Variants in SLC23A2 observed in about 807,000 individuals in gnomAD.
The protein encoded by SLC23A2 is Na(+)/L-ascorbic acid transporter 2.
Under a neutral mutation model 73.3 loss-of-function variants are expected in SLC23A2, and 36 were observed. The observed-to-expected ratio is 0.49, with a 90% CI of 0.38 to 0.65. The LOEUF is 0.65. SLC23A2 is among the 30% of genes least tolerant of loss of function. The probability of loss-of-function intolerance (pLI) is 0.00; values close to 1 mark genes in which losing one functional copy is unlikely to be tolerated. For synonymous variants in SLC23A2, 343 were observed against 327.3 expected (o/e 1.05, Z -0.52); for missense variants, 507 against 841.6 (o/e 0.60, Z 4.92).
chr20:4,959,477 T>G (rs2087345611), intron 2 of SLC23A2, among the ~76,000 whole-genome samples: 1 of 152,190 alleles, frequency 6.6e-6, no homozygotes. Flanking sequence ...ACATAAATGT[T>G]AATAATGGCT....
intron 15 of SLC23A2, 141 bp from the exon 16 acceptor site, chr20:4,859,525 T>C (rs935494013): frequency 3.9e-5 from 26 of 661,704 alleles, no homozygotes; most frequent in East Asian, 3.9e-4. Context: ...GTTGTGCACA[T>C]GTAGATGAAT....
chr20:5,001,441 GCGCCTCGGCGC>G lies in SLC23A2; in HGVS notation c.-328_-318del, dbSNP rs930519991. 1.3e-5 allele frequency: 2 copies of G among 148,188 alleles called. No individual in the cohort carries two copies. Among genetic ancestry groups the G allele is most frequent in the African/African-American group, 4.9e-5 (2 of 40,928 alleles). 9.2% of individuals were successfully genotyped at this position (148,188 alleles called of 1,614,324 possible). A position where few individuals can be genotyped will look rare whatever the true frequency, so the allele number is the denominator to read the frequency against. On this transcript the variant is annotated 5_prime_UTR_variant, in exon 1 of 17. Coordinates refer to ENST00000338244, the MANE Select transcript of SLC23A2 (RefSeq NM_005116.6). ...CTCGCGTGGTTCCCGTCCTGCCGCCGCGCCTCGGCGCCGCAGTGCCCGCTGCAGCCTCCGCC... is the reference window on the plus strand; with the variant it reads ...CTCGCGTGGTTCCCGTCCTGCCGCCGCGCAGTGCCCGCTGCAGCCTCCGCC...
At position 4,863,238 on chromosome 20, in the gene SLC23A2, T is replaced by C. The variant is rs1036582537; in HGVS notation, c.1357-331A>G. 1.7e-4 allele frequency among the ~76,000 whole-genome samples: 26 copies of C among 152,060 alleles called. No homozygotes were observed. The highest frequency in any genetic ancestry group is 2.8e-4 in the Non-Finnish European group (19 of 68,014). The stretch of plus-strand genomic sequence containing the variant: ...CCGGCACCACATGTCACCAAGGCAA[T>C]TTCCCCCAAAGTGCTTCAGCCTCAA... On this transcript the variant is annotated intron_variant, in intron 13 of 16. Transcript: ENST00000338244. This position sits in a 1 kb window ranked among gnomAD's most constrained non-coding sequence, Gnocchi z 4.8.
At chr20:4,970,955 C>A (rs1038844213) in intron 1 of SLC23A2, 36 bp from the exon 2 acceptor site, 2 of 152,126 alleles carry the variant, frequency 1.3e-5, no homozygotes, top group African/African-American at 4.8e-5. Context: ...AAAGTAATAA[C>A]AAACCTAGCA....
chr20:5,009,605 G>A lies in SLC23A2; in HGVS notation c.-282+577C>T, dbSNP rs535030586. Among the ~76,000 whole-genome samples, 9 of 152,108 alleles carry A rather than the reference G, an allele frequency of 5.9e-5. No individual in the cohort carries two copies. The South Asian group carries it at 1.2e-3, about 21-fold the overall frequency. ...CTACCACACAGTAAGTTCTCAGTTC[G>A]GTTACTACTGAAGTACTCAGTTAGT... is the stretch of plus-strand genomic sequence containing the variant. On this transcript the variant is annotated intron_variant, in intron 1 of 16. Coordinates refer to the SLC23A2 transcript ENST00000379333.
At chr20:4,966,548 C>A (rs2087478165) in intron 2 of SLC23A2, among the ~76,000 whole-genome samples, 1 of 152,078 alleles carries the variant, frequency 6.6e-6, no homozygotes, top group Admixed American at 6.6e-5. Context: ...GCAAATATCT[C>A]ATTAATAACT....
intron 1 of SLC23A2, among the ~76,000 whole-genome samples, chr20:4,984,445 T>C (rs1352990800): frequency 6.6e-6 from 1 of 151,180 alleles, no homozygotes; most frequent in East Asian, 2.0e-4. Flanking sequence ...TCCCAGCTAT[T>C]TGGAGGCTGA....
intron 2 of SLC23A2, among the ~76,000 whole-genome samples, chr20:4,937,001 G>A (rs965883575): frequency 6.6e-6 from 1 of 152,208 alleles, no homozygotes; most frequent in African/African-American, 2.4e-5. Context: ...GACAGTACAT[G>A]GAGGAAGAAC....
At chr20:4,945,058 T>A (rs1204526456) in intron 2 of SLC23A2, among the ~76,000 whole-genome samples, 2 of 151,692 alleles carry the variant, frequency 1.3e-5, no homozygotes, top group Non-Finnish European at 2.9e-5. Context: ...TTGAATGAAA[T>A]GACTTAACTG....
chr20:4,898,213 T>C (rs1484280213), intron 6 of SLC23A2, among the ~76,000 whole-genome samples: 1 of 152,214 alleles, frequency 6.6e-6, no homozygotes, highest in Non-Finnish European at 1.5e-5. Flanking sequence ...TTGGTGGTTG[T>C]GGGCAGACTA....
At chr20:4,983,312 C>T (rs1324677766) in intron 1 of SLC23A2, among the ~76,000 whole-genome samples, 1 of 152,082 alleles carries the variant, frequency 6.6e-6, no homozygotes, top group Non-Finnish European at 1.5e-5. Context: ...AAAACAGACA[C>T]ATAGAGACTT....
intron 4 of SLC23A2, among the ~76,000 whole-genome samples, chr20:4,903,307 C>T (rs1600116639): frequency 1.3e-5 from 2 of 152,218 alleles, no homozygotes; most frequent in East Asian, 3.9e-4. Flanking sequence ...CCAATCACCC[C>T]CAGCATCAGT....
intron 9 of SLC23A2, among the ~76,000 whole-genome samples, chr20:4,876,507 C>T (rs1246653804): frequency 6.6e-6 from 1 of 152,214 alleles, no homozygotes; most frequent in African/African-American, 2.4e-5. Flanking sequence ...AGAGAGGCAG[C>T]AGCTTAGAGG....
chr20:4,907,235 G>A (rs1039156662), intron 4 of SLC23A2, among the ~76,000 whole-genome samples: 7 of 152,016 alleles, frequency 4.6e-5, no homozygotes, highest in Non-Finnish European at 8.8e-5. Context: ...GAGACCACAC[G>A]ATTCCTTTCT....
rs1200821714 is a variant in SLC23A2 at position 4,868,531 on chromosome 20, TG to T, written c.1251-657del. ...CATTTGTTGGGGTATAAGACAAACA[TG>T]GGCCGTCTATGGAAATAAAACATTG... On this transcript the variant is annotated intron_variant, in intron 12 of 16. Coordinates refer to ENST00000338244, the MANE Select transcript of SLC23A2 (RefSeq NM_005116.6). This position sits in a 1 kb window ranked among gnomAD's most constrained non-coding sequence, Gnocchi z 4.4. Among the ~76,000 whole-genome samples the T allele has an allele frequency of 6.6e-6, 1 of 152,202 alleles. No homozygotes were observed. The highest frequency in any genetic ancestry group is 1.5e-5 in the Non-Finnish European group (1 of 68,026).
At chr20:4,912,667 C>CAA (rs36084071) in intron 4 of SLC23A2, among the ~76,000 whole-genome samples, 2,385 of 73,934 alleles carry the variant, frequency 0.032, 91 homozygotes, top group African/African-American at 0.088. Context: ...TTAAAACAAT[C>CAA]AAAAAAAAAA....
chr20:4,961,855 A>G (rs72552373), intron 2 of SLC23A2, among the ~76,000 whole-genome samples: 1 of 152,348 alleles, frequency 6.6e-6, no homozygotes, highest in East Asian at 1.9e-4. Flanking sequence ...AGCAGTTCTC[A>G]TATAACCCTG....
Position 4,883,833 on chromosome 20 carries a change from G to A in SLC23A2, c.643-10C>T. 1.3e-6 allele frequency: 2 copies of A among 1,599,204 alleles called. No individual in the cohort carries two copies. Among genetic ancestry groups the A allele is most frequent in the Non-Finnish European group, 1.7e-6 (2 of 1,171,780 alleles). On this transcript the variant is annotated splice_polypyrimidine_tract_variant and intron_variant, in intron 8 of 16. Transcript: ENST00000338244. This position sits in a 1 kb window ranked among gnomAD's most constrained non-coding sequence, Gnocchi z 4.5. Reference sequence around the variant, plus strand: ...TGATGGCCCCCTGGATCTGCAACAAGAGATGGCACAGACATGAGAGTGAGC... The same window carrying A: ...TGATGGCCCCCTGGATCTGCAACAAAAGATGGCACAGACATGAGAGTGAGC...
intron 4 of SLC23A2, among the ~76,000 whole-genome samples, chr20:4,907,078 A>T (rs1388473640): frequency 6.6e-6 from 1 of 152,222 alleles, no homozygotes; most frequent in African/African-American, 2.4e-5. Flanking sequence ...TCAAGAAACA[A>T]ATATGTATGG....
Sources: gnomAD v4.1 joint callset for allele counts (sites outside exome capture counted in the v4.1 genomes callset) on GRCh38, gnomAD v4.1.1 for gene constraint, Gnocchi (gnomAD v3.1) non-coding constraint, MANE v1.5 for transcripts, NCBI Gene and HGNC (gene_info 2026-07-23, HGNC 2026-07-21) for gene names.